The following SGSM1 variants were observed in gnomAD, a reference collection of about 807,000 sequenced individuals.
SGSM1 encodes small G protein signaling modulator 1, also known as RUN and TBC1 domain containing 2.
Under a neutral mutation model 133.8 loss-of-function variants are expected in SGSM1, and 73 were observed. The ratio of observed to expected loss-of-function variants is 0.55; its 90% CI spans 0.45 to 0.66. SGSM1 has a LOEUF of 0.66. Ranked by LOEUF, SGSM1 falls within the 30% of genes least tolerant of loss-of-function variation. SGSM1 has a pLI of 0.00. For synonymous variants in SGSM1, 563 were observed against 573.0 expected (o/e 0.98, Z 0.25); for missense variants, 1,213 against 1,448.1 (o/e 0.84, Z 2.64).
intron 8 of SGSM1, among the ~76,000 whole-genome samples, chr22:24,858,164 G>A (rs1930917374): frequency 6.6e-6 from 1 of 151,970 alleles, no homozygotes; most frequent in African/African-American, 2.4e-5. Context: ...ATTTTTTGTT[G>A]ACATGGGGTC....
rs1156778059 is a variant in SGSM1 at position 24,818,118 on chromosome 22, G to A, written c.63+11634G>A. ...GTGGTGGTGGGCGCCTGTAATCCCA[G>A]CTACTCAGGAGGCTGAGGCAGGAGA... On this transcript the variant is annotated intron_variant, in intron 2 of 24. Transcript: ENST00000400358. 4.0e-5 allele frequency among the ~76,000 whole-genome samples: 6 copies of A among 151,668 alleles called. No individual in the cohort carries two copies. In the East Asian group the frequency reaches 1.2e-3, roughly 30 times the overall value.
chr22:24,884,243 G>A, intron 15 of SGSM1, 45 bp downstream of exon 15: 1 of 1,571,318 alleles, frequency 6.4e-7, no homozygotes. Flanking sequence ...AGAGGCTGCA[G>A]GGGGGTCATC....
chr22:24,861,897 T>A (rs1054750980), intron 9 of SGSM1, among the ~76,000 whole-genome samples: 1 of 151,924 alleles, frequency 6.6e-6, no homozygotes, highest in Non-Finnish European at 1.5e-5. Context: ...CTTGAACTTC[T>A]GGCTTCAAGT....
chr22:24,905,689 T>C (rs1933350755), intron 21 of SGSM1, among the ~76,000 whole-genome samples: 1 of 149,914 alleles, frequency 6.7e-6, no homozygotes, highest in African/African-American at 2.5e-5. Flanking sequence ...CTCAGGAGGC[T>C]GAGGCAGGAG....
At chr22:24,904,485 C>G (rs1933296514) in intron 20 of SGSM1, among the ~76,000 whole-genome samples, 2 of 149,914 alleles carry the variant, frequency 1.3e-5, no homozygotes, top group African/African-American at 4.9e-5. Context: ...GAGGCTGAGG[C>G]AGGAGAATGT....
rs375476947 is a variant in SGSM1, at chr22:24,806,532, G to C, written c.63+48G>C. 53 of 1,487,286 alleles carry C rather than the reference G, an allele frequency of 3.6e-5. No individual in the cohort carries two copies. The East Asian group carries it at 1.3e-3, about 37-fold the overall frequency. The allele number at this position is 1,487,286 out of a possible 1,614,324, so 92.1% of individuals were successfully genotyped here. A position where few individuals can be genotyped will look rare whatever the true frequency, so the allele number is the denominator to read the frequency against. On this transcript the variant is annotated intron_variant, in intron 2 of 24. Coordinates refer to ENST00000400358, the MANE Select transcript of SGSM1 (RefSeq NM_001098497.3). ...TGGGCAGGACTCCCCCGGCAGCAGC[G>C]GCCAAACGGGAAAAGAGTCTTCGTG...
At chr22:24,880,476 C>T (rs2123661874) in intron 14 of SGSM1, among the ~76,000 whole-genome samples, 1 of 152,246 alleles carries the variant, frequency 6.6e-6, no homozygotes, top group Non-Finnish European at 1.5e-5. Flanking sequence ...AGCCTGACAG[C>T]CTAGATGGGG....
intron 4 of SGSM1, among the ~76,000 whole-genome samples, chr22:24,848,752 G>A (rs957291452): frequency 2.6e-5 from 4 of 152,264 alleles, no homozygotes; most frequent in African/African-American, 9.6e-5. Flanking sequence ...TCTGTCAAGG[G>A]CAAAGGCAGG....
intron 9 of SGSM1, among the ~76,000 whole-genome samples, chr22:24,861,753 G>A (rs564343269): frequency 2.6e-5 from 4 of 151,492 alleles, no homozygotes; most frequent in Admixed American, 1.3e-4. Flanking sequence ...TCATCGTGTT[G>A]GCCAGGCTGG....
At chr22:24,889,285 A>G (rs1324698060) in intron 16 of SGSM1, among the ~76,000 whole-genome samples, 1 of 152,052 alleles carries the variant, frequency 6.6e-6, no homozygotes, top group Non-Finnish European at 1.5e-5. Context: ...TAAAAGTAAA[A>G]AGAAACAGAT....
In SGSM1 at chr22:24,868,445, A is replaced by G. The variant is rs767693059; in HGVS notation, c.1064A>G (p.Lys355Arg). 2 of 1,613,690 alleles carry G rather than the reference A, an allele frequency of 1.2e-6. No homozygotes were observed. The highest frequency in any genetic ancestry group is 1.1e-5 in the South Asian group (1 of 91,038). ...GIQRPPFRFP[K>R]GGHLLQFLSC... ...CAGAGGCCGCCCTTCCGCTTCCCCA[A>G]GGGCGGGCACCTCCTGCAGTTCCTC... Residue 355 changes from lysine to arginine, a missense_variant, in exon 11 of 25, where the codon AAG (lysine) becomes AGG (arginine). Transcript: ENST00000400358.
At chr22:24,861,351 CAAAAAAA>C (rs139707) in intron 9 of SGSM1, among the ~76,000 whole-genome samples, 1 of 75,858 alleles carries the variant, frequency 1.3e-5, no homozygotes, top group Admixed American at 1.4e-4. Context: ...GACTCTGTCT[CAAAAAAA>C]AAAAAAAAAA....
chr22:24,853,620 T>G (rs1930604515), intron 5 of SGSM1, among the ~76,000 whole-genome samples: 1 of 151,976 alleles, frequency 6.6e-6, no homozygotes, highest in Non-Finnish European at 1.5e-5. Context: ...CTTCTTTTTT[T>G]TTTTGAGATG....
chr22:24,878,184 T>C (rs1009186382), intron 13 of SGSM1, among the ~76,000 whole-genome samples: 67 of 152,170 alleles, frequency 4.4e-4, no homozygotes, highest in Non-Finnish European at 7.3e-5. Flanking sequence ...GACTATTTCC[T>C]AGAGGTCCTG....
intron 2 of SGSM1, among the ~76,000 whole-genome samples, chr22:24,831,410 A>T (rs985765098): frequency 2.6e-5 from 4 of 152,092 alleles, no homozygotes; most frequent in Admixed American, 2.6e-4. Context: ...CAGTCATTGG[A>T]TGTGCACCTC....
chr22:24,885,174 G>A (rs559078023), intron 15 of SGSM1, among the ~76,000 whole-genome samples: 2 of 151,976 alleles, frequency 1.3e-5, no homozygotes, highest in African/African-American at 2.4e-5. Context: ...ACCTCAGGTG[G>A]TCTGCCCGCC....
rs942821925 is a variant in SGSM1 at position 24,924,394 on chromosome 22, G to A, written c.*120G>A. 1.8e-4 allele frequency: 148 copies of A among 804,618 alleles called. No homozygotes were observed. Among genetic ancestry groups the A allele is most frequent in the Non-Finnish European group, 2.8e-4 (134 of 480,412 alleles). 49.8% of individuals were successfully genotyped at this position (804,618 alleles called of 1,614,324 possible). A position where few individuals can be genotyped will look rare whatever the true frequency, so the allele number is the denominator to read the frequency against. On this transcript the variant is annotated 3_prime_UTR_variant, in exon 25 of 25. Coordinates refer to ENST00000400358, the MANE Select transcript of SGSM1 (RefSeq NM_001098497.3). ...GTCCTGGTGTCTGTTCACAAGCGTG[G>A]AGTTCAGTGCGCAAAGAAACTACCC...
At chr22:24,904,377 G>A (rs981724647) in intron 20 of SGSM1, among the ~76,000 whole-genome samples, 3 of 152,002 alleles carry the variant, frequency 2.0e-5, no homozygotes, top group Non-Finnish European at 2.9e-5. Context: ...TCAGGAGATC[G>A]AGACCATCCT....
chr22:24,900,031 T>C (rs961777982), intron 19 of SGSM1, among the ~76,000 whole-genome samples: 37 of 35,690 alleles, frequency 1.0e-3, no homozygotes, highest in Admixed American at 5.7e-4. Flanking sequence ...GTCTCTTGCT[T>C]TTTTTTTTTT....
Sources: gnomAD v4.1 joint callset for allele counts (sites outside exome capture counted in the v4.1 genomes callset) on GRCh38, gnomAD v4.1.1 for gene constraint, MANE v1.5 for transcripts, NCBI Gene and HGNC (gene_info 2026-07-23, HGNC 2026-07-21) for gene names.